RINT1: variants seen among roughly 807,000 people sequenced by gnomAD.
RINT1 encodes RAD50-interacting protein 1.
Under a neutral mutation model 97.7 loss-of-function variants are expected in RINT1, and 75 were observed. That is an observed-to-expected ratio of 0.77 (90% CI 0.64 to 0.93). The LOEUF is 0.93. Ranked by LOEUF, RINT1 falls within the 40% of genes least tolerant of loss-of-function variation. The pLI, the probability that RINT1 is intolerant of heterozygous loss-of-function variation, is 0.00. For synonymous variants in RINT1, 303 were observed against 326.3 expected (o/e 0.93, Z 0.77); for missense variants, 892 against 925.2 (o/e 0.96, Z 0.47).
chr7:105,562,075 T>G (rs1302704813), intron 11 of RINT1, among the ~76,000 whole-genome samples: 1 of 152,166 alleles, frequency 6.6e-6, no homozygotes, highest in Non-Finnish European at 1.5e-5. Flanking sequence ...CTAAAGCTAT[T>G]TATATAAATA....
chr7:105,542,775 T>C (rs1421995313), intron 4 of RINT1, 126 bp downstream of exon 4: 1 of 992,970 alleles, frequency 1.0e-6, no homozygotes, highest in Non-Finnish European at 1.4e-6. Flanking sequence ...TTACCAGTTG[T>C]TGTGAAAATA....
chr7:105,556,402 ACCT>A (rs1183338971), intron 11 of RINT1, among the ~76,000 whole-genome samples: 1 of 150,824 alleles, frequency 6.6e-6, no homozygotes, highest in Non-Finnish European at 1.5e-5. Context: ...TTTTATTTAA[ACCT>A]CTTTTCTGCC....
intron 1 of RINT1, 122 bp downstream of exon 1, chr7:105,532,479 C>A: frequency 1.7e-6 from 2 of 1,166,296 alleles, no homozygotes; most frequent in South Asian, 1.4e-5. Flanking sequence ...CTTCCTGCGG[C>A]TTAGATTAGA....
At chr7:105,546,320 G>T (rs1185722563) in intron 4 of RINT1, among the ~76,000 whole-genome samples, 2 of 152,182 alleles carry the variant, frequency 1.3e-5, no homozygotes, top group Non-Finnish European at 2.9e-5. Context: ...AAACAGGTCT[G>T]TCAGGAGGAG....
Position 105,532,837 on chromosome 7 carries a change from G to C in RINT1, c.56G>C (p.Ser19Thr). The C allele has an allele frequency of 6.2e-7, 1 of 1,614,168 alleles. No individual in the cohort carries two copies. Among genetic ancestry groups the C allele is most frequent in the African/African-American group, 1.3e-5 (1 of 75,038 alleles). The change falls in exon 2 of 15, where the codon AGT (serine) becomes ACT (threonine). Residue 19 changes from serine (S) to threonine (T), a missense_variant. Ser to Thr is a moderately conservative substitution (Grantham distance 58). Transcript: ENST00000257700. ...ASPAAPCCSE[S>T]GDERKNLEEK... ...TTCTTCTTCTAGTGCTGCTCTGAAA[G>C]TGGTGACGAAAGGAAGAACCTCGAG...
At position 105,548,572 on chromosome 7, in the gene RINT1, G is replaced by A. The variant is rs770442440; in HGVS notation, c.858G>A (p.Glu286=). 5.0e-6 allele frequency: 8 copies of A among 1,613,914 alleles called. No individual in the cohort carries two copies. Among genetic ancestry groups the A allele is most frequent in the Non-Finnish European group, 5.9e-6 (7 of 1,180,022 alleles). ...ATGTCAGAGATGAATTACTTACTGA[G>A]CCAAAGCAACTCCCAGAAAAATACT... The part of the protein sequence containing the change: ...KLQTSDELLT[E]PKQLPEKYSL... Residue 286 remains glutamate (E), a synonymous_variant, in exon 7 of 15, where the codon GAG becomes GAA. Coordinates refer to ENST00000257700, the MANE Select transcript of RINT1 (RefSeq NM_021930.6).
At position 105,548,694 on chromosome 7, in the gene RINT1, C is replaced by G; in HGVS notation, c.980C>G (p.Thr327Ser). Residue 327 changes from threonine to serine, a missense_variant, in exon 7 of 15, where the codon ACT becomes AGT. Thr to Ser is a moderately conservative substitution (Grantham distance 58, BLOSUM62 1). Transcript: ENST00000257700. The stretch of plus-strand genomic sequence containing the variant: ...TATCACTTCAGAGGGAACCGGCAGA[C>G]TAATGTGTTAAGCAAGGTGTGTTTT... ...FRYHFRGNRQ[T>S]NVLSKPEWYL... The G allele has an allele frequency of 6.2e-7, 1 of 1,612,260 alleles. No homozygotes were observed. The highest frequency in any genetic ancestry group is 8.5e-7 in the Non-Finnish European group (1 of 1,179,142).
chr7:105,556,991 G>A (rs879310566), intron 11 of RINT1, among the ~76,000 whole-genome samples: 11 of 152,144 alleles, frequency 7.2e-5, no homozygotes, highest in Middle Eastern at 3.2e-3. Context: ...ACTGTTCTGA[G>A]ATCATCTGTG....
rs565428285 is a variant in RINT1 at position 105,534,371 on chromosome 7, T to C, written c.88+1502T>C. ...GGCATGAGCCACTGTGCTCAGTGGG[T>C]GTAATTTTTTTTAAAAAATGAAGGT... is the stretch of plus-strand genomic sequence containing the variant. On this transcript the variant is annotated intron_variant, in intron 2 of 14. Transcript: ENST00000257700. Among the ~76,000 whole-genome samples, 15 of 152,150 alleles carry C rather than the reference T, an allele frequency of 9.9e-5. No homozygotes were observed. In the East Asian group the frequency reaches 2.9e-3, roughly 29 times the overall value.
At chr7:105,560,493 A>C (rs571939694) in intron 11 of RINT1, among the ~76,000 whole-genome samples, 6 of 152,280 alleles carry the variant, frequency 3.9e-5, no homozygotes, top group Middle Eastern at 3.4e-3. Context: ...GGGGAGAGAC[A>C]AAGAGAGATG....
intron 4 of RINT1, among the ~76,000 whole-genome samples, chr7:105,544,044 G>A (rs1023252394): frequency 2.0e-5 from 3 of 151,784 alleles, no homozygotes; most frequent in African/African-American, 7.3e-5. Flanking sequence ...AGGTTGCAGT[G>A]AGCTGAGGTT....
chr7:105,544,100 CA>C (rs112410324), intron 4 of RINT1, among the ~76,000 whole-genome samples: 6 of 138,806 alleles, frequency 4.3e-5, no homozygotes, highest in Admixed American at 7.3e-5. Flanking sequence ...AACTCCGTCT[CA>C]AAAAAAAAAC....
intron 10 of RINT1, among the ~76,000 whole-genome samples, chr7:105,553,716 A>C: frequency 6.9e-6 from 1 of 144,378 alleles, no homozygotes; most frequent in Non-Finnish European, 1.5e-5. Context: ...CCTGCCTGTA[A>C]ATTGTCTTTT....
chr7:105,550,927 C>A lies in RINT1; in HGVS notation c.1333+441C>A, dbSNP rs372924373. 2.3e-3 allele frequency among the ~76,000 whole-genome samples: 349 copies of A among 152,160 alleles called. 2 individuals are homozygous for A. Among genetic ancestry groups the A allele is most frequent in the African/African-American group, 8.1e-3 (337 of 41,546 alleles). On this transcript the variant is annotated intron_variant, in intron 9 of 14. Transcript: ENST00000257700. ...GCACTACCACGCCTGGCTAATTTTT[C>A]TGTTTTTAGGAGTGACAGGGTTACA...
Position 105,565,519 on chromosome 7 carries a change from CTTTG to C in RINT1, c.2068-7_2068-4del. On this transcript the variant is annotated splice_polypyrimidine_tract_variant and splice_region_variant and intron_variant, in intron 13 of 14. Transcript: ENST00000257700. ...AAAGACAACTGTTATATGAATTATTCTTTGTTTCAGATAATTCTTGCTAATCACT... is the reference window on the plus strand; with the variant it reads ...AAAGACAACTGTTATATGAATTATTCTTTCAGATAATTCTTGCTAATCACT... 1 of 1,609,802 alleles carries C rather than the reference CTTTG, an allele frequency of 6.2e-7. No individual in the cohort carries two copies. Among genetic ancestry groups the C allele is most frequent in the South Asian group, 1.1e-5 (1 of 90,944 alleles).
rs530777123 is a variant in RINT1, at chr7:105,565,471, G to A, written c.2067+14G>A. The A allele has an allele frequency of 1.2e-6, 2 of 1,612,194 alleles. No individual in the cohort carries two copies. The highest frequency in any genetic ancestry group is 1.3e-5 in the African/African-American group (1 of 74,842). ...ATCTACCAAGAAGTAAGTAAGAATA[G>A]ACTGTTTTTGGGCTGTGATAATAAA... On this transcript the variant is annotated intron_variant, in intron 13 of 14. Coordinates refer to ENST00000257700, the MANE Select transcript of RINT1 (RefSeq NM_021930.6).
intron 12 of RINT1, 55 bp downstream of exon 12, chr7:105,564,002 T>C: frequency 7.7e-7 from 1 of 1,303,344 alleles, no homozygotes; most frequent in Non-Finnish European, 1.1e-6. Flanking sequence ...AGTTAAAGAA[T>C]ATGTGGTCAG....
chr7:105,564,972 A>G, intron 12 of RINT1: 1 of 206,640 alleles, frequency 4.8e-6, no homozygotes. Flanking sequence ...TCAAAAAAAA[A>G]GAAAAACTAC....
intron 6 of RINT1, among the ~76,000 whole-genome samples, 162 bp downstream of exon 6, chr7:105,547,495 C>G (rs763251718): frequency 5.3e-5 from 8 of 152,090 alleles, no homozygotes; most frequent in Admixed American, 5.2e-4. Context: ...TGTACTCTTG[C>G]AAAGTGAATT....
Sources: allele counts gnomAD v4.1 joint callset (sites outside exome capture counted in the v4.1 genomes callset), GRCh38; gene constraint gnomAD v4.1.1; transcripts MANE v1.5; gene names NCBI Gene and HGNC (gene_info 2026-07-23, HGNC 2026-07-21).